Variants in KPNA7 observed in about 807,000 individuals in gnomAD.
KPNA7 encodes the protein karyopherin subunit alpha 7.
A neutral mutation model predicts 53.7 loss-of-function variants in KPNA7; 54 were observed. The observed-to-expected ratio is 1.01, with a 90% confidence interval of 0.81 to 1.26. The LOEUF is 1.26. Ranked by LOEUF, KPNA7 falls within the 50% of genes most tolerant of loss-of-function variation. The probability of loss-of-function intolerance (pLI) is 0.00; values close to 1 mark genes in which losing one functional copy is unlikely to be tolerated. For synonymous variants in KPNA7, 276 were observed against 259.3 expected, an observed-to-expected ratio of 1.06 and a Z score of -0.62; for missense variants, 640 against 644.5, an observed-to-expected ratio of 0.99 and a Z score of 0.07.
At chr7:99,218,741 G>C (rs1017417536) in intron 1 of KPNA7, among the ~76,000 whole-genome samples, 3 of 152,212 alleles carry the variant, frequency 2.0e-5, no homozygotes, top group African/African-American at 7.2e-5. Flanking sequence ...AGGCAGATCT[G>C]CTTCAGAAAG....
At chr7:99,203,279 G>T in intron 2 of KPNA7, 39 bp from the exon 3 acceptor site, 1 of 1,540,174 alleles carries the variant, frequency 6.5e-7, no homozygotes, top group Non-Finnish European at 8.8e-7. Context: ...AGAACCAGGA[G>T]TGGGGATGTC....
intron 3 of KPNA7, among the ~76,000 whole-genome samples, chr7:99,199,028 T>G (rs1199996434): frequency 7.3e-6 from 1 of 136,504 alleles, no homozygotes; most frequent in Non-Finnish European, 1.5e-5. Context: ...AGTAATAAAT[T>G]TATTGAAAGA....
At position 99,188,570 on chromosome 7, in the gene KPNA7, CAAG is replaced by C; in HGVS notation, c.637-10_637-8del. On this transcript the variant is annotated splice_region_variant and splice_polypyrimidine_tract_variant and intron_variant, in intron 6 of 10. Transcript: ENST00000327442. Reference sequence around the variant, plus strand: ...TGTTCCGCAGAAATGTGATCTGTAACAAGGAGACTGCCTCCAGCATTGGGTGCA... The same window carrying C: ...TGTTCCGCAGAAATGTGATCTGTAACGAGACTGCCTCCAGCATTGGGTGCA... The C allele has an allele frequency of 6.5e-7, 1 of 1,548,746 alleles. No homozygotes were observed.
chr7:99,181,149 CCG>C (rs1411165682), intron 9 of KPNA7, among the ~76,000 whole-genome samples: 1 of 50,036 alleles, frequency 2.0e-5, no homozygotes, highest in African/African-American at 5.5e-5. Context: ...GTCTCTCTCT[CCG>C]TCTGTGTCTC....
chr7:99,190,538 T>G (rs1281550046), intron 6 of KPNA7, among the ~76,000 whole-genome samples: 1 of 152,090 alleles, frequency 6.6e-6, no homozygotes, highest in Non-Finnish European at 1.5e-5. Flanking sequence ...GGTTGAAAAC[T>G]TTTTCGGTAA....
the KPNA7 span, among the ~76,000 whole-genome samples, chr7:99,161,755 A>G: frequency 6.6e-6 from 1 of 151,940 alleles, no homozygotes; most frequent in Non-Finnish European, 1.5e-5. Context: ...TGACACTTGA[A>G]CCCCTTCTTT....
At chr7:99,176,638 G>T (rs1798919188) in intron 10 of KPNA7, among the ~76,000 whole-genome samples, 1 of 152,132 alleles carries the variant, frequency 6.6e-6, no homozygotes, top group African/African-American at 2.4e-5. Flanking sequence ...ACTTTGGGAG[G>T]CCGAGACGGG....
the KPNA7 span, among the ~76,000 whole-genome samples, chr7:99,156,308 T>G: frequency 3.2e-4 from 48 of 152,336 alleles, 1 homozygote; most frequent in South Asian, 9.9e-3. Context: ...CTTGGAATTT[T>G]TCTATCATTC....
chr7:99,146,094 G>A, the KPNA7 span, among the ~76,000 whole-genome samples: 30,968 of 151,994 alleles, frequency 0.2, 3,281 homozygotes, highest in South Asian at 0.33. Flanking sequence ...TGCCAATCCC[G>A]TTAGTATTTC....
At chr7:99,176,201 G>A (rs1488894878) in intron 10 of KPNA7, among the ~76,000 whole-genome samples, 2 of 151,610 alleles carry the variant, frequency 1.3e-5, no homozygotes, top group Non-Finnish European at 2.9e-5. Context: ...GGGAGGCTGA[G>A]GCAGGAGAAT....
Position 99,185,090 on chromosome 7 carries a change from C to A in KPNA7, c.973G>T (p.Gly325Cys). ...AGCTGGGGGAGCACGTTCAGCATACCCGCATCAATGGCCATCTGCGTCTGC... is the reference window on the plus strand; with the variant it reads ...AGCTGGGGGAGCACGTTCAGCATACACGCATCAATGGCCATCTGCGTCTGC... The part of the protein sequence containing the change: ...DEQTQMAIDA[G>C]MLNVLPQLLQ... Residue 325 changes from glycine to cysteine, a missense_variant, in exon 8 of 11, where the codon GGT becomes TGT. Physicochemically the swap from Gly to Cys is radical, Grantham distance 159. Coordinates refer to ENST00000327442, the MANE Select transcript of KPNA7 (RefSeq NM_001145715.3). 1 of 1,551,970 alleles carries A rather than the reference C, an allele frequency of 6.4e-7. No individual in the cohort carries two copies. Among genetic ancestry groups the A allele is most frequent in the Non-Finnish European group, 8.7e-7 (1 of 1,147,070 alleles).
At chr7:99,176,170 C>T (rs1158132735) in intron 10 of KPNA7, among the ~76,000 whole-genome samples, 9 of 151,500 alleles carry the variant, frequency 5.9e-5, no homozygotes, top group African/African-American at 1.9e-4. Context: ...TGGTGGTGGG[C>T]GCCTGTAATC....
chr7:99,147,431 C>A, the KPNA7 span, among the ~76,000 whole-genome samples: 1 of 152,184 alleles, frequency 6.6e-6, no homozygotes. Flanking sequence ...TTTCCAGCAC[C>A]ATTTTCAATA....
At chr7:99,192,301 G>T (rs144428172) in intron 6 of KPNA7, among the ~76,000 whole-genome samples, 1,652 of 152,280 alleles carry the variant, frequency 0.011, 27 homozygotes, top group African/African-American at 0.038. Flanking sequence ...TTGCAAGATG[G>T]CAAGCTTGTA....
At position 99,177,996 on chromosome 7, in the gene KPNA7, A is replaced by G; in HGVS notation, c.1388T>C (p.Ile463Thr). Residue 463 changes from isoleucine to threonine, a missense_variant, in exon 10 of 11, where the codon ATT (isoleucine) becomes ACT (threonine). Coordinates refer to ENST00000327442, the MANE Select transcript of KPNA7 (RefSeq NM_001145715.3). ...GTTCTCATGCAGCTGTAAAGCCTCA[A>G]TTCTATCGATCCCACCAAGTTCTTC... The part of the protein sequence containing the change: ...LIEELGGIDR[I>T]EALQLHENRQ... 2 of 1,551,824 alleles carry G rather than the reference A, an allele frequency of 1.3e-6. No individual in the cohort carries two copies. The highest frequency in any genetic ancestry group is 1.7e-6 in the Non-Finnish European group (2 of 1,147,014).
intron 7 of KPNA7, among the ~76,000 whole-genome samples, chr7:99,186,246 G>A (rs574672231): frequency 1.3e-5 from 2 of 152,278 alleles, no homozygotes; most frequent in South Asian, 2.1e-4. Flanking sequence ...ACAGGTCTAC[G>A]ATTGGGCTCA....
the KPNA7 span, among the ~76,000 whole-genome samples, chr7:99,148,785 C>G: frequency 6.6e-6 from 1 of 151,884 alleles, no homozygotes; most frequent in Admixed American, 6.6e-5. Flanking sequence ...TTTATACACA[C>G]AGGGTCTCAC....
chr7:99,203,813 C>A (rs1790666874), intron 2 of KPNA7, among the ~76,000 whole-genome samples: 1 of 152,086 alleles, frequency 6.6e-6, no homozygotes, highest in South Asian at 2.1e-4. Flanking sequence ...GGGGTTCAAG[C>A]CATTCTTGTG....
chr7:99,179,382 C>T (rs1799060243), intron 9 of KPNA7, among the ~76,000 whole-genome samples: 1 of 151,300 alleles, frequency 6.6e-6, no homozygotes, highest in African/African-American at 2.4e-5. Context: ...CATAGCAAGA[C>T]CCTGTCTCTG....
Sources: gnomAD v4.1 joint callset for allele counts (sites outside exome capture counted in the v4.1 genomes callset) on GRCh38, gnomAD v4.1.1 for gene constraint, MANE v1.5 for transcripts, NCBI Gene and HGNC (gene_info 2026-07-23, HGNC 2026-07-21) for gene names.